The following OCA2 variants were observed in gnomAD, a reference collection of about 807,000 sequenced individuals.
OCA2 encodes P protein.
A neutral mutation model predicts 100.2 loss-of-function variants in OCA2; 77 were observed. The ratio of observed to expected loss-of-function variants is 0.77; its 90% CI spans 0.64 to 0.93. The LOEUF (loss-of-function observed/expected upper bound fraction) is 0.93, where lower values mean the gene tolerates loss of function less well. OCA2 is among the 40% of genes least tolerant of loss of function. OCA2 has a pLI of 0.00. For synonymous variants in OCA2, 432 were observed against 439.2 expected (o/e 0.98, Z 0.21); for missense variants, 1,062 against 1,089.1 (o/e 0.98, Z 0.35).
At chr15:27,867,104 T>TCCCTA (rs1195286911) in intron 21 of OCA2, among the ~76,000 whole-genome samples, 1 of 152,234 alleles carries the variant, frequency 6.6e-6, no homozygotes, top group Non-Finnish European at 1.5e-5. Context: ...CTATGTACTA[T>TCCCTA]CCCTAGATAA....
intron 2 of OCA2, among the ~76,000 whole-genome samples, chr15:28,039,284 A>G (rs191978824): frequency 9.2e-5 from 14 of 152,364 alleles, no homozygotes; most frequent in African/African-American, 3.4e-4. Flanking sequence ...CTTGAACAAC[A>G]TTATAAACCA....
chr15:27,840,078 T>G (rs1467666626), intron 23 of OCA2, among the ~76,000 whole-genome samples: 2 of 152,064 alleles, frequency 1.3e-5, no homozygotes, highest in South Asian at 2.1e-4. Context: ...TTTAAAGCAG[T>G]GTTCGGAGGA....
At chr15:27,902,950 T>G (rs552635443) in intron 19 of OCA2, among the ~76,000 whole-genome samples, 8 of 152,234 alleles carry the variant, frequency 5.3e-5, no homozygotes, top group Admixed American at 5.2e-4. Flanking sequence ...CCTGCAGAGC[T>G]CACATCCTCC....
In OCA2 at chr15:27,952,362, G is replaced by A. The variant is rs75300723; in HGVS notation, c.1843-470C>T. Among the ~76,000 whole-genome samples the A allele has an allele frequency of 3.0e-4, 45 of 152,310 alleles. No individual in the cohort carries two copies. The East Asian group carries it at 3.9e-3, about 13-fold the overall frequency. On this transcript the variant is annotated intron_variant, in intron 17 of 23. Transcript: ENST00000354638. ...CACTCTTAGCGCTGGAATGACACCC[G>A]CGAGAATCCACCTGGTCATAGGGGG...
chr15:28,065,130 T>C (rs756885752), intron 2 of OCA2, among the ~76,000 whole-genome samples: 4 of 152,126 alleles, frequency 2.6e-5, no homozygotes, highest in Non-Finnish European at 5.9e-5. Context: ...TTCCCAGTCT[T>C]TGCAAAGTGG....
chr15:27,741,554 C>G, the OCA2 span, among the ~76,000 whole-genome samples: 1 of 152,166 alleles, frequency 6.6e-6, no homozygotes, highest in African/African-American at 2.4e-5. Context: ...TACGGTTGGG[C>G]AAGTCAAGTT....
intron 14 of OCA2, among the ~76,000 whole-genome samples, chr15:27,979,539 C>G (rs1348627243): frequency 6.6e-6 from 1 of 152,082 alleles, no homozygotes; most frequent in Non-Finnish European, 1.5e-5. Flanking sequence ...TAAATAAATA[C>G]TATTTATGAT....
chr15:27,816,757 T>C (rs2034317806), intron 23 of OCA2, among the ~76,000 whole-genome samples: 1 of 152,090 alleles, frequency 6.6e-6, no homozygotes, highest in Non-Finnish European at 1.5e-5. Context: ...AATCAGAAAT[T>C]TCCCACTGGA....
At chr15:27,773,182 A>G (rs1259752822) in intron 23 of OCA2, among the ~76,000 whole-genome samples, 1 of 152,200 alleles carries the variant, frequency 6.6e-6, no homozygotes, top group East Asian at 1.9e-4. Flanking sequence ...TTTAAAGTAG[A>G]ATCCAGTTAG....
chr15:27,908,454 C>A (rs2038261274), intron 19 of OCA2, among the ~76,000 whole-genome samples: 3 of 152,130 alleles, frequency 2.0e-5, no homozygotes. Flanking sequence ...TAGAGAAATA[C>A]TAAAGGCATT....
intron 23 of OCA2, among the ~76,000 whole-genome samples, chr15:27,820,923 G>A (rs1383314032): frequency 6.6e-6 from 1 of 152,150 alleles, no homozygotes; most frequent in Non-Finnish European, 1.5e-5. Context: ...AAGATGGCAT[G>A]TGAGTATTCT....
chr15:27,968,061 T>C (rs995087376), intron 14 of OCA2, among the ~76,000 whole-genome samples: 3 of 152,208 alleles, frequency 2.0e-5, no homozygotes, highest in Admixed American at 6.5e-5. Flanking sequence ...TTCGCTGACG[T>C]CCTGGAATAA....
At chr15:27,942,907 A>G (rs1197272853) in intron 18 of OCA2, among the ~76,000 whole-genome samples, 4 of 152,208 alleles carry the variant, frequency 2.6e-5, no homozygotes, top group Non-Finnish European at 5.9e-5. Flanking sequence ...GGATATTTAC[A>G]TTCATCTAAG....
rs1255509790 is a variant in OCA2, at chr15:28,009,628, C to A, written c.1044+5148G>T. Among the ~76,000 whole-genome samples the A allele has an allele frequency of 2.7e-5, 4 of 149,830 alleles. No individual in the cohort carries two copies. The South Asian group carries it at 6.5e-4, about 24-fold the overall frequency. ...ACTTGAACCCACAAGGCGCAGGTTG[C>A]AGTGGGCTGAGATTGCGCCACTGCA... is the stretch of plus-strand genomic sequence containing the variant. On this transcript the variant is annotated intron_variant, in intron 9 of 23. Coordinates refer to ENST00000354638, the MANE Select transcript of OCA2 (RefSeq NM_000275.3).
At chr15:28,063,504 T>C (rs1233364468) in intron 2 of OCA2, among the ~76,000 whole-genome samples, 1 of 152,156 alleles carries the variant, frequency 6.6e-6, no homozygotes, top group East Asian at 1.9e-4. Context: ...ATTACTGCCT[T>C]CTTTGAAGTC....
At chr15:27,862,272 G>A (rs552612113) in intron 21 of OCA2, among the ~76,000 whole-genome samples, 2 of 151,624 alleles carry the variant, frequency 1.3e-5, no homozygotes, top group African/African-American at 2.4e-5. Flanking sequence ...AAGCGTGGTC[G>A]TCAGCCTCAA....
intron 2 of OCA2, among the ~76,000 whole-genome samples, chr15:28,047,439 C>T (rs2043379674): frequency 6.6e-6 from 1 of 152,172 alleles, no homozygotes; most frequent in Non-Finnish European, 1.5e-5. Context: ...ACTTCATCAC[C>T]ATTAAGACAT....
At chr15:27,743,705 C>T in the OCA2 span, among the ~76,000 whole-genome samples, 2 of 152,154 alleles carry the variant, frequency 1.3e-5, no homozygotes, top group South Asian at 4.1e-4. Context: ...AAGTGGGTTT[C>T]GATCAAATAT....
chr15:28,029,211 T>C (rs2042842483), intron 3 of OCA2, among the ~76,000 whole-genome samples: 1 of 152,180 alleles, frequency 6.6e-6, no homozygotes, highest in South Asian at 2.1e-4. Context: ...TTAGAAGTGG[T>C]TCACAAGGAA....
Sources: allele counts gnomAD v4.1 joint callset (sites outside exome capture counted in the v4.1 genomes callset), GRCh38; gene constraint gnomAD v4.1.1; transcripts MANE v1.5; gene names NCBI Gene and HGNC (gene_info 2026-07-23, HGNC 2026-07-21).